Variants in MECOM observed in about 807,000 individuals in gnomAD.
MECOM encodes the protein histone-lysine N-methyltransferase MECOM.
A neutral mutation model predicts 116.3 loss-of-function variants in MECOM; 13 were observed. The ratio of observed to expected loss-of-function variants is 0.11; its 90% confidence interval spans 0.07 to 0.18. The LOEUF (loss-of-function observed/expected upper bound fraction) is 0.18. MECOM is among the 10% of genes least tolerant of loss of function. The pLI, the probability that MECOM is intolerant of heterozygous loss-of-function variation, is 1.00. For missense variants in MECOM, 1,299 were observed against 1,509.0 expected (o/e 0.86, Z 2.31); for synonymous variants, 528 against 535.2 (o/e 0.99, Z 0.19).
chr3:169,406,448 A>G (rs1183248353), intron 1 of MECOM, among the ~76,000 whole-genome samples: 2 of 152,224 alleles, frequency 1.3e-5, no homozygotes, highest in African/African-American at 2.4e-5. Context: ...AAGAGCCACA[A>G]GTATAGCTGC....
At chr3:169,412,856 T>C (rs1281169092) in intron 1 of MECOM, among the ~76,000 whole-genome samples, 1 of 152,198 alleles carries the variant, frequency 6.6e-6, no homozygotes, top group African/African-American at 2.4e-5. Flanking sequence ...ACAGCTTTTC[T>C]CTTCAAAAGT....
At chr3:169,321,745 T>C (rs1225287013) in intron 2 of MECOM, among the ~76,000 whole-genome samples, 1 of 151,418 alleles carries the variant, frequency 6.6e-6, no homozygotes, top group African/African-American at 2.4e-5. Flanking sequence ...AGGGAGGAGG[T>C]CAAACATGAA....
intron 2 of MECOM, among the ~76,000 whole-genome samples, chr3:169,248,810 G>A (rs1755907984): frequency 6.6e-6 from 1 of 152,176 alleles, no homozygotes; most frequent in Non-Finnish European, 1.5e-5. Context: ...ATAGTAAGTA[G>A]GTAGAGATCT....
chr3:169,342,044 C>G (rs1388239620), intron 2 of MECOM, among the ~76,000 whole-genome samples: 1 of 151,984 alleles, frequency 6.6e-6, no homozygotes, highest in African/African-American at 2.4e-5. Context: ...GTTTTCACCA[C>G]TCAAAATAGC....
intron 12 of MECOM, 109 bp downstream of exon 12, chr3:169,100,776 T>A: frequency 1.7e-6 from 1 of 575,984 alleles, no homozygotes; most frequent in African/African-American, 2.0e-5. Context: ...CAGACACGCA[T>A]AAAATTTAAA....
At chr3:169,574,827 A>T (rs974238871) in intron 1 of MECOM, among the ~76,000 whole-genome samples, 7 of 115,644 alleles carry the variant, frequency 6.1e-5, no homozygotes, top group African/African-American at 1.0e-4. Context: ...CTGTATTTAT[A>T]AAAAAAAAAA....
chr3:169,282,495 G>A (rs1305577374), intron 2 of MECOM, among the ~76,000 whole-genome samples: 4 of 152,158 alleles, frequency 2.6e-5, no homozygotes, highest in Non-Finnish European at 5.9e-5. Flanking sequence ...CACATGCTAT[G>A]AATAATGAAT....
At chr3:169,300,164 A>G (rs1408841337) in intron 2 of MECOM, among the ~76,000 whole-genome samples, 1 of 152,194 alleles carries the variant, frequency 6.6e-6, no homozygotes, top group Admixed American at 6.5e-5. Flanking sequence ...CCCTCAGCCT[A>G]TTGCCATGAA....
chr3:169,126,240 T>G (rs550228259), intron 5 of MECOM, among the ~76,000 whole-genome samples: 1 of 152,206 alleles, frequency 6.6e-6, no homozygotes, highest in Non-Finnish European at 1.5e-5. Flanking sequence ...ATTAAGAGGC[T>G]TTCTCCACCC....
intron 1 of MECOM, among the ~76,000 whole-genome samples, chr3:169,424,871 G>A (rs1740374875): frequency 6.6e-6 from 1 of 151,906 alleles, no homozygotes; most frequent in South Asian, 2.1e-4. Context: ...ACCAGTTTCT[G>A]CAGATTATTA....
chr3:169,558,401 G>A (rs1762275447), intron 1 of MECOM, among the ~76,000 whole-genome samples: 1 of 152,104 alleles, frequency 6.6e-6, no homozygotes, highest in South Asian at 2.1e-4. Context: ...TCCATATCAT[G>A]GAACCCTCAC....
intron 1 of MECOM, among the ~76,000 whole-genome samples, chr3:169,452,172 C>T (rs994674698): frequency 5.3e-5 from 8 of 152,056 alleles, no homozygotes; most frequent in East Asian, 1.9e-4. Context: ...TCACTACTCA[C>T]GGCCGATGCC....
At chr3:169,117,707 C>T (rs1331464171) in intron 7 of MECOM, among the ~76,000 whole-genome samples, 1 of 152,204 alleles carries the variant, frequency 6.6e-6, no homozygotes, top group Non-Finnish European at 1.5e-5. Flanking sequence ...TGCCTCTTTG[C>T]TAAGAATTTG....
At chr3:169,290,060 A>G (rs1266608382) in intron 2 of MECOM, among the ~76,000 whole-genome samples, 2 of 152,196 alleles carry the variant, frequency 1.3e-5, no homozygotes, top group African/African-American at 4.8e-5. Context: ...AGCCGACAAC[A>G]GTAACCTTAA....
At chr3:169,176,540 TC>T (rs1745197059) in intron 2 of MECOM, among the ~76,000 whole-genome samples, 2 of 151,898 alleles carry the variant, frequency 1.3e-5, no homozygotes, top group African/African-American at 4.8e-5. Flanking sequence ...GCAATACCAT[TC>T]AGGACACAGG....
In MECOM at chr3:169,663,549, C is replaced by A. The variant is rs983896485; in HGVS notation, c.-177G>T. On this transcript the variant is annotated 5_prime_UTR_variant, in exon 1 of 17. Transcript: ENST00000651503. ...CTCTCTCCCTCCCTCCTGTTTCTCT[C>A]CTGTTTCTCTCTCTCTTCCACACAC... 5.2e-6 allele frequency: 3 copies of A among 579,334 alleles called. No homozygotes were observed. Among genetic ancestry groups the A allele is most frequent in the African/African-American group, 4.5e-5 (2 of 44,606 alleles). 35.9% of individuals were successfully genotyped at this position (579,334 alleles called of 1,614,324 possible).
At chr3:169,509,835 C>T (rs985784623) in intron 1 of MECOM, among the ~76,000 whole-genome samples, 1 of 152,150 alleles carries the variant, frequency 6.6e-6, no homozygotes, top group South Asian at 2.1e-4. Context: ...GTAGAGTATC[C>T]GTTTGAGTCT....
intron 1 of MECOM, among the ~76,000 whole-genome samples, chr3:169,559,353 A>G (rs1405410608): frequency 1.3e-5 from 2 of 152,322 alleles, no homozygotes; most frequent in East Asian, 1.9e-4. Context: ...TATCATGAGC[A>G]TATTCATCAT....
intron 2 of MECOM, among the ~76,000 whole-genome samples, chr3:169,265,895 T>TA (rs942879568): frequency 4.6e-5 from 7 of 151,792 alleles, no homozygotes; most frequent in African/African-American, 1.7e-4. Flanking sequence ...ACTGTGCTAT[T>TA]AAGCCATTCT....
Sources: gnomAD v4.1 joint callset for allele counts (sites outside exome capture counted in the v4.1 genomes callset) on GRCh38, gnomAD v4.1.1 for gene constraint, MANE v1.5 for transcripts, NCBI Gene and HGNC (gene_info 2026-07-23, HGNC 2026-07-21) for gene names.